CA10: variants seen among roughly 807,000 people sequenced by gnomAD.
CA10 encodes the protein carbonic anhydrase-related protein 10.
A neutral mutation model predicts 44.2 loss-of-function variants in CA10; 14 were observed. The observed-to-expected ratio is 0.32, with a 90% confidence interval of 0.21 to 0.50. The LOEUF is 0.50. Among genes scored for constraint, CA10 ranks in the 20% least tolerant of loss-of-function variants. CA10 has a pLI of 0.99. For missense variants in CA10, 350 were observed against 409.7 expected, an observed-to-expected ratio of 0.85 and a Z score of 1.26; for synonymous variants, 159 against 141.6, an observed-to-expected ratio of 1.12 and a Z score of -0.87.
chr17:52,037,427 T>C (rs77994442), intron 2 of CA10, among the ~76,000 whole-genome samples: 2,961 of 152,264 alleles, frequency 0.019, 59 homozygotes, highest in Middle Eastern at 0.038. Flanking sequence ...GAGTAACACC[T>C]GGATTTAGAA....
At chr17:51,715,564 T>G (rs1303759035) in intron 4 of CA10, among the ~76,000 whole-genome samples, 1 of 152,158 alleles carries the variant, frequency 6.6e-6, no homozygotes, top group Non-Finnish European at 1.5e-5. Context: ...TATTTACCCT[T>G]TGTGTTACAA....
chr17:51,886,234 C>CT (rs1192054449), intron 3 of CA10, among the ~76,000 whole-genome samples: 9 of 152,134 alleles, frequency 5.9e-5, no homozygotes, highest in African/African-American at 2.2e-4. Flanking sequence ...GCAGTGTAGT[C>CT]TTAGATATAG....
chr17:52,066,337 T>A (rs1276223059), intron 2 of CA10, among the ~76,000 whole-genome samples: 1 of 152,132 alleles, frequency 6.6e-6, no homozygotes, highest in African/African-American at 2.4e-5. Flanking sequence ...ATATGGACAA[T>A]GAAATACAGC....
At chr17:52,012,122 T>C (rs1337468948) in intron 2 of CA10, among the ~76,000 whole-genome samples, 1 of 152,040 alleles carries the variant, frequency 6.6e-6, no homozygotes, top group Non-Finnish European at 1.5e-5. Context: ...AGCAATTTAC[T>C]ACAATGTCTC....
rs1597968953 is a variant in CA10 at position 51,660,684 on chromosome 17, C to T, written c.466-6948G>A. On this transcript the variant is annotated intron_variant, in intron 4 of 8. Transcript: ENST00000451037. ...CCCTTTTGTGAGCGCAAAAGAGCAG[C>T]CTTGGAACAGAAGACCACACGTGGC... Among the ~76,000 whole-genome samples the T allele has an allele frequency of 2.0e-5, 3 of 152,312 alleles. No homozygotes were observed. The East Asian group carries it at 5.8e-4, about 29-fold the overall frequency.
At chr17:52,065,822 G>A (rs1047709691) in intron 2 of CA10, among the ~76,000 whole-genome samples, 5 of 152,144 alleles carry the variant, frequency 3.3e-5, no homozygotes, top group Non-Finnish European at 2.9e-5. Context: ...TGTGCCCCCA[G>A]CCAAATCTCA....
At chr17:51,734,508 T>C (rs1916831415) in intron 4 of CA10, among the ~76,000 whole-genome samples, 1 of 152,206 alleles carries the variant, frequency 6.6e-6, no homozygotes. Flanking sequence ...ACTTAACTGG[T>C]GTCAGACTGG....
intron 3 of CA10, among the ~76,000 whole-genome samples, chr17:51,780,770 G>T (rs975713889): frequency 1.3e-5 from 2 of 152,138 alleles, no homozygotes; most frequent in African/African-American, 4.8e-5. Flanking sequence ...TGAAAGAAAT[G>T]GCACACCTGG....
At chr17:51,718,213 TGAAAAAAAGA>T (rs1916234352) in intron 4 of CA10, among the ~76,000 whole-genome samples, 1 of 21,856 alleles carries the variant, frequency 4.6e-5, no homozygotes, top group Non-Finnish European at 1.1e-4. Context: ...CAATAATTTA[TGAAAAAAAGA>T]TTTAAAATGA....
At chr17:51,996,883 G>A (rs1985255241) in intron 2 of CA10, among the ~76,000 whole-genome samples, 1 of 152,044 alleles carries the variant, frequency 6.6e-6, no homozygotes, top group Non-Finnish European at 1.5e-5. Context: ...AATCACAGGT[G>A]ATAAAAACGT....
At chr17:51,891,333 AAAG>A (rs1310610759) in intron 3 of CA10, among the ~76,000 whole-genome samples, 1 of 152,204 alleles carries the variant, frequency 6.6e-6, no homozygotes, top group Non-Finnish European at 1.5e-5. Context: ...GCTAAGTATT[AAAG>A]AAGACTGAAG....
intron 2 of CA10, among the ~76,000 whole-genome samples, chr17:51,985,705 C>T (rs577432575): frequency 6.6e-6 from 1 of 151,912 alleles, no homozygotes; most frequent in Non-Finnish European, 1.5e-5. Context: ...GTCCTATACA[C>T]CAATAACAAC....
At chr17:51,906,560 T>C (rs1439712634) in intron 3 of CA10, among the ~76,000 whole-genome samples, 3 of 152,178 alleles carry the variant, frequency 2.0e-5, no homozygotes, top group Admixed American at 6.6e-5. Context: ...GTCTAATGTA[T>C]GCCCATGGCT....
chr17:51,946,667 G>T (rs1337678487), intron 2 of CA10, among the ~76,000 whole-genome samples: 1 of 152,114 alleles, frequency 6.6e-6, no homozygotes, highest in Non-Finnish European at 1.5e-5. Flanking sequence ...CTCAAGTATT[G>T]CTTCCTTTGA....
chr17:51,825,370 C>T (rs1330450120), intron 3 of CA10, among the ~76,000 whole-genome samples: 1 of 151,932 alleles, frequency 6.6e-6, no homozygotes, highest in Non-Finnish European at 1.5e-5. Flanking sequence ...GTAGAATATA[C>T]TCTTTACCAG....
intron 4 of CA10, among the ~76,000 whole-genome samples, chr17:51,708,503 C>A (rs1263973): frequency 0.32 from 49,299 of 152,056 alleles, 8,798 homozygotes; most frequent in Admixed American, 0.41. Flanking sequence ...TGCTGAGTGG[C>A]AGCTCTTATC....
At chr17:52,070,639 T>C (rs536785329) in intron 2 of CA10, 2 of 152,112 alleles carry the variant, frequency 1.3e-5, no homozygotes, top group Admixed American at 6.5e-5. Flanking sequence ...ACATATATTA[T>C]CTCAATTAAA....
chr17:52,015,395 A>G (rs1298864854), intron 2 of CA10, among the ~76,000 whole-genome samples: 1 of 152,128 alleles, frequency 6.6e-6, no homozygotes, highest in Non-Finnish European at 1.5e-5. Flanking sequence ...CCCCAATAGT[A>G]TATTTTCAAT....
intron 2 of CA10, among the ~76,000 whole-genome samples, chr17:52,061,295 C>T (rs1287045791): frequency 6.6e-6 from 1 of 152,060 alleles, no homozygotes; most frequent in Non-Finnish European, 1.5e-5. Context: ...AGGCTGGAGC[C>T]ATGCAAGGAA....
Sources: gnomAD v4.1 joint callset for allele counts (sites outside exome capture counted in the v4.1 genomes callset) on GRCh38, gnomAD v4.1.1 for gene constraint, MANE v1.5 for transcripts, NCBI Gene and HGNC (gene_info 2026-07-23, HGNC 2026-07-21) for gene names.